The following SGK1 variants were observed in gnomAD, a reference collection of about 807,000 sequenced individuals.
SGK1 encodes the protein serine/threonine-protein kinase Sgk1.
Under a neutral mutation model 64.2 loss-of-function variants are expected in SGK1, and 26 were observed. The ratio of observed to expected loss-of-function variants is 0.40; its 90% CI spans 0.30 to 0.56. SGK1 has a LOEUF of 0.56. SGK1 is among the 20% of genes least tolerant of loss of function. The pLI is 0.38. For missense variants in SGK1, 519 were observed against 645.6 expected (o/e 0.80, Z 2.12); for synonymous variants, 265 against 239.7 (o/e 1.11, Z -0.98).
chr6:134,244,254 A>G (rs1194364872), intron 2 of SGK1, among the ~76,000 whole-genome samples: 1 of 152,122 alleles, frequency 6.6e-6, no homozygotes, highest in Admixed American at 6.5e-5. Flanking sequence ...TAGTTTGCTG[A>G]GAATGATCAT....
At chr6:134,261,481 G>T (rs568068336) in intron 2 of SGK1, 93 of 279,544 alleles carry the variant, frequency 3.3e-4, no homozygotes, top group African/African-American at 1.9e-3. Flanking sequence ...GTTGCTAGGG[G>T]TCAGGGTAAG....
Position 134,211,915 on chromosome 6 carries a change from C to G in SGK1, c.286-4484G>C, listed in dbSNP as rs913745194. ...AAAAAAAAAAATCCCTCCTACCTGA[C>G]TAAGCAGCCTCAGTATGAATCCCTT... On this transcript the variant is annotated intron_variant, in intron 2 of 13. Coordinates refer to ENST00000367858, the MANE Select transcript of SGK1 (RefSeq NM_001143676.3). Among the ~76,000 whole-genome samples, 3 of 149,368 alleles carry G rather than the reference C, an allele frequency of 2.0e-5. No homozygotes were observed. In the Admixed American group the frequency reaches 2.0e-4, roughly 10 times the overall value.
intron 1 of SGK1, among the ~76,000 whole-genome samples, chr6:134,270,214 C>T (rs1216749399): frequency 6.8e-6 from 1 of 148,084 alleles, no homozygotes; most frequent in Non-Finnish European, 1.5e-5. Flanking sequence ...AGGCGTGAGC[C>T]ACCGCACCAG....
intron 2 of SGK1, among the ~76,000 whole-genome samples, chr6:134,226,705 T>C (rs570259237): frequency 2.0e-5 from 3 of 150,382 alleles, no homozygotes; most frequent in African/African-American, 4.9e-5. Flanking sequence ...AAAAAAAAAA[T>C]AAAAATAAAA....
At chr6:134,170,588 G>T in intron 13 of SGK1, 153 bp from the exon 14 acceptor site, 1 of 730,050 alleles carries the variant, frequency 1.4e-6, no homozygotes, top group Non-Finnish European at 2.3e-6. Flanking sequence ...GCTACACACA[G>T]TTAAACATAA....
At chr6:134,200,552 T>C (rs571481035) in intron 3 of SGK1, among the ~76,000 whole-genome samples, 3 of 152,146 alleles carry the variant, frequency 2.0e-5, no homozygotes, top group Non-Finnish European at 4.4e-5. Flanking sequence ...ATGTTTTTAT[T>C]TAACTTCTAT....
intron 1 of SGK1, among the ~76,000 whole-genome samples, chr6:134,277,178 C>T (rs1777030388): frequency 6.6e-6 from 1 of 152,060 alleles, no homozygotes; most frequent in Non-Finnish European, 1.5e-5. Context: ...CAAAAATTAG[C>T]TGGTGTGGTA....
chr6:134,220,977 G>A (rs1374532962), intron 2 of SGK1, among the ~76,000 whole-genome samples: 4 of 143,820 alleles, frequency 2.8e-5, no homozygotes, highest in African/African-American at 8.1e-5. Context: ...GTGAGACTCC[G>A]GCTCAAAAAA....
intron 2 of SGK1, among the ~76,000 whole-genome samples, chr6:134,211,292 T>C (rs1775886098): frequency 6.6e-6 from 1 of 152,198 alleles, no homozygotes; most frequent in African/African-American, 2.4e-5. Flanking sequence ...AGTGGAATTT[T>C]TTTTTGTAAT....
intron 1 of SGK1, among the ~76,000 whole-genome samples, chr6:134,265,226 G>A (rs1429859125): frequency 1.3e-5 from 2 of 151,964 alleles, no homozygotes; most frequent in African/African-American, 2.4e-5. Flanking sequence ...TTGGGAGGTC[G>A]AGGCAGGCAG....
In SGK1 at chr6:134,173,268, T is replaced by A. The variant is rs201801513; in HGVS notation, c.702+6A>T. 258 of 1,612,284 alleles carry A rather than the reference T, an allele frequency of 1.6e-4. No individual in the cohort carries two copies. The highest frequency in any genetic ancestry group is 8.8e-5 in the South Asian group (8 of 91,052). On this transcript the variant is annotated splice_donor_region_variant and intron_variant, in intron 7 of 13. Coordinates refer to ENST00000367858, the MANE Select transcript of SGK1 (RefSeq NM_001143676.3). Reference sequence around the variant, plus strand: ...CAATGCCAGCCCCATCAAGCACATCTCATACCTCTTTCTTTTTCAGGATTG... The same window carrying A: ...CAATGCCAGCCCCATCAAGCACATCACATACCTCTTTCTTTTTCAGGATTG...
chr6:134,296,315 C>T (rs758650767), intron 1 of SGK1, among the ~76,000 whole-genome samples: 24 of 152,070 alleles, frequency 1.6e-4, no homozygotes, highest in South Asian at 2.1e-4. Context: ...CTGTGTTGGC[C>T]GGGCTGGAGT....
intron 1 of SGK1, among the ~76,000 whole-genome samples, chr6:134,264,732 T>A (rs1327540277): frequency 6.6e-6 from 1 of 152,062 alleles, no homozygotes; most frequent in Non-Finnish European, 1.5e-5. Context: ...AGCCTTAACC[T>A]CCTAGGCTCA....
rs768512667 is a variant in SGK1, at chr6:134,171,103, T to C, written c.1243A>G (p.Ile415Val). 3 of 1,614,034 alleles carry C rather than the reference T, an allele frequency of 1.9e-6. No homozygotes were observed. The highest frequency in any genetic ancestry group is 1.3e-5 in the African/African-American group (1 of 74,906). Residue 415 changes from isoleucine to valine, a missense_variant, in exon 12 of 14, where the codon ATT (isoleucine) becomes GTT (valine). By Grantham distance (29) the Ile-to-Val change is conservative (BLOSUM62 3). Coordinates refer to ENST00000367858, the MANE Select transcript of SGK1 (RefSeq NM_001143676.3). ...AGGAGGTGTCTTGCGGAATTTGTAA[T>C]ATTTGGTTTCAGCTGGAGAGGCTTG... ...LNKPLQLKPN[I>V]TNSARHLLEG...
chr6:134,297,321 G>A (rs1163109180), intron 1 of SGK1: 14 of 1,203,030 alleles, frequency 1.2e-5, no homozygotes, highest in East Asian at 2.6e-5. Context: ...CAGCTATCGC[G>A]CCATGTCCTG....
chr6:134,298,603 AG>A lies in SGK1; in HGVS notation c.69+18788del, dbSNP rs1251426436. 10 of 1,034,776 alleles carry A rather than the reference AG, an allele frequency of 9.7e-6. No individual in the cohort carries two copies. The African/African-American group carries it at 1.6e-4, about 16-fold the overall frequency. 64.1% of individuals were successfully genotyped at this position (1,034,776 alleles called of 1,614,324 possible). A position where few individuals can be genotyped will look rare whatever the true frequency, so the allele number is the denominator to read the frequency against. ...CAGGAGGAGCTTGAGGAGCTGATGC[AG>A]GTACTGGGCCCACTCGTGTAGGAGC... On this transcript the variant is annotated intron_variant, in intron 1 of 13. Transcript: ENST00000367858.
intron 3 of SGK1, among the ~76,000 whole-genome samples, chr6:134,207,021 C>G (rs111950555): frequency 0.015 from 2,322 of 152,054 alleles, 29 homozygotes; most frequent in Non-Finnish European, 0.025. Context: ...GTCAGGAGAT[C>G]GAGACCATCC....
intron 1 of SGK1, among the ~76,000 whole-genome samples, chr6:134,287,443 G>C (rs889240652): frequency 2.1e-5 from 3 of 145,448 alleles, no homozygotes; most frequent in Non-Finnish European, 4.5e-5. Context: ...AGATAAGAAG[G>C]CTTTTTTTTT....
At chr6:134,220,374 A>G (rs1776071433) in intron 2 of SGK1, among the ~76,000 whole-genome samples, 1 of 152,158 alleles carries the variant, frequency 6.6e-6, no homozygotes, top group African/African-American at 2.4e-5. Context: ...TGGCTTACAG[A>G]AGGCTACACA....
Sources: allele counts gnomAD v4.1 joint callset (sites outside exome capture counted in the v4.1 genomes callset), GRCh38; gene constraint gnomAD v4.1.1; transcripts MANE v1.5; gene names NCBI Gene and HGNC (gene_info 2026-07-23, HGNC 2026-07-21).